MCF2: variants seen among roughly 807,000 people sequenced by gnomAD.
The protein encoded by MCF2 is MCF.2 cell line derived transforming sequence.
Under a neutral mutation model 82.5 loss-of-function variants are expected in MCF2, and 44 were observed. The ratio of observed to expected loss-of-function variants is 0.53; its 90% CI spans 0.42 to 0.69. MCF2 has a LOEUF of 0.69. Among genes scored for constraint, MCF2 ranks in the 30% least tolerant of loss-of-function variants. The pLI is 0.00. For synonymous variants in MCF2, 217 were observed against 224.9 expected, an observed-to-expected ratio of 0.96 and a Z score of 0.32; for missense variants, 623 against 663.1, an observed-to-expected ratio of 0.94 and a Z score of 0.66.
At chrX:139,652,234 G>C in intron 1 of MCF2, among the ~76,000 whole-genome samples, 1 of 111,674 alleles carries the variant, frequency 9.0e-6, no homozygotes, top group African/African-American at 3.2e-5. Context: ...AAATCTCTAA[G>C]GTAGGTACTG....
At chrX:139,691,984 G>T (rs1935280240) in intron 1 of MCF2, 2 of 1,166,512 alleles carry the variant, frequency 1.7e-6, no homozygotes, top group African/African-American at 3.6e-5. Context: ...CTCACGCGCT[G>T]CAGGGCCATG....
intron 1 of MCF2, among the ~76,000 whole-genome samples, chrX:139,704,793 C>A (rs1265922707): frequency 2.7e-5 from 3 of 110,082 alleles, no homozygotes. Context: ...GAATCAATAT[C>A]ATAAAAATGG....
In MCF2 at chrX:139,663,576, GT is replaced by G. The variant is rs57739559; in HGVS notation, c.-44-11789del. The stretch of plus-strand genomic sequence containing the variant: ...AGCCCAATAGCCAATAGTTTGCTTT[GT>G]TTTTTTTTTTTTTTTGGCTCCTCTT... On this transcript the variant is annotated intron_variant, in intron 1 of 27. Coordinates refer to the MCF2 transcript ENST00000414978. 3.0e-3 allele frequency among the ~76,000 whole-genome samples: 261 copies of G among 86,336 alleles called. 1 individual carries two copies. The highest frequency in any genetic ancestry group is 5.8e-3 in the Middle Eastern group (1 of 173). 75.0% of individuals were successfully genotyped at this position (86,336 alleles called of 115,157 possible).
intron 1 of MCF2, chrX:139,691,922 G>A: frequency 1.7e-6 from 2 of 1,165,887 alleles, no homozygotes; most frequent in Middle Eastern, 2.4e-4. Context: ...TACCTGCCAC[G>A]AAGACTGCTT....
chrX:139,603,147 A>T (rs1304417432), intron 15 of MCF2, among the ~76,000 whole-genome samples: 1 of 112,585 alleles, frequency 8.9e-6, no homozygotes, highest in African/African-American at 3.2e-5. Context: ...TACACAATTA[A>T]TAATTTCCCT....
intron 10 of MCF2, 28 bp downstream of exon 14, chrX:139,613,188 G>A: frequency 1.9e-6 from 2 of 1,075,012 alleles, no homozygotes; most frequent in South Asian, 4.4e-5. Flanking sequence ...AAATGTATTG[G>A]CAAAAGTAAT....
At chrX:139,588,087 G>A (rs1421793711) in intron 21 of MCF2, among the ~76,000 whole-genome samples, 1 of 111,475 alleles carries the variant, frequency 9.0e-6, no homozygotes, top group East Asian at 2.8e-4. Flanking sequence ...TCACCTCATG[G>A]AAAGGACTGG....
At chrX:139,594,280 C>G (rs1410125850) in intron 19 of MCF2, among the ~76,000 whole-genome samples, 1 of 110,811 alleles carries the variant, frequency 9.0e-6, no homozygotes, top group African/African-American at 3.3e-5. Flanking sequence ...CAATCCTAAG[C>G]CAAAAGAACA....
At chrX:139,701,070 G>A (rs1935484664) in intron 1 of MCF2, among the ~76,000 whole-genome samples, 1 of 112,027 alleles carries the variant, frequency 8.9e-6, no homozygotes, top group Non-Finnish European at 1.9e-5. Flanking sequence ...TCCCAAGGGA[G>A]TAGAGACTTT....
chrX:139,625,325 AAC>A (rs1932699788), intron 6 of MCF2, among the ~76,000 whole-genome samples: 1 of 111,913 alleles, frequency 8.9e-6, no homozygotes, highest in Non-Finnish European at 1.9e-5. Flanking sequence ...ACGAGGGAGA[AAC>A]ACAAATACCT....
chrX:139,635,693 G>C (rs1277341694), intron 1 of MCF2, among the ~76,000 whole-genome samples: 1 of 111,240 alleles, frequency 9.0e-6, no homozygotes, highest in Non-Finnish European at 1.9e-5. Flanking sequence ...GTTATTACAG[G>C]AATTAAAAGA....
chrX:139,663,576 G>GC (rs1934416904), intron 1 of MCF2, among the ~76,000 whole-genome samples: 3 of 86,408 alleles, frequency 3.5e-5, no homozygotes, highest in Non-Finnish European at 7.0e-5. Context: ...AGTTTGCTTT[G>GC]TTTTTTTTTT....
At chrX:139,707,018 C>A (rs942873703) in intron 1 of MCF2, among the ~76,000 whole-genome samples, 1 of 110,008 alleles carries the variant, frequency 9.1e-6, no homozygotes, top group African/African-American at 3.3e-5. Context: ...AAATAATGAT[C>A]CGATACAGGA....
intron 2 of MCF2, among the ~76,000 whole-genome samples, chrX:139,649,027 G>A (rs1039918145): frequency 1.8e-5 from 2 of 112,071 alleles, no homozygotes; most frequent in African/African-American, 6.5e-5. Context: ...TTGTATACCT[G>A]AACAACAGTC....
exon 1 of MCF2, chrX:139,642,766 T>C (rs1933650032): frequency 4.8e-6 from 5 of 1,034,949 alleles, no homozygotes; most frequent in Non-Finnish European, 6.2e-6. Flanking sequence ...GTTAACACAT[T>C]CCTCCAATTA....
chrX:139,696,516 C>G, intron 1 of MCF2, among the ~76,000 whole-genome samples: 1 of 111,290 alleles, frequency 9.0e-6, no homozygotes, highest in East Asian at 2.9e-4. Flanking sequence ...CTCCACCACC[C>G]GGGCTCAAGC....
At chrX:139,658,527 C>T (rs1431064489) in intron 1 of MCF2, among the ~76,000 whole-genome samples, 1 of 110,691 alleles carries the variant, frequency 9.0e-6, no homozygotes, top group Non-Finnish European at 1.9e-5. Context: ...TCCTGACAAG[C>T]AGTTATTAAC....
At chrX:139,649,611 A>G (rs756935852) in intron 2 of MCF2, among the ~76,000 whole-genome samples, 1 of 100,638 alleles carries the variant, frequency 9.9e-6, no homozygotes, top group Admixed American at 1.1e-4. Flanking sequence ...GATTATTACC[A>G]CTGAACACCT....
intron 1 of MCF2, among the ~76,000 whole-genome samples, chrX:139,677,340 C>T (rs769787159): frequency 1.8e-5 from 2 of 111,179 alleles, no homozygotes; most frequent in Admixed American, 9.6e-5. Flanking sequence ...TCTCTCAAGT[C>T]GCCCACCCGA....
Sources: allele counts gnomAD v4.1 joint callset (sites outside exome capture counted in the v4.1 genomes callset), GRCh38; gene constraint gnomAD v4.1.1; transcripts MANE v1.5; gene names NCBI Gene and HGNC (gene_info 2026-07-23, HGNC 2026-07-21).